The following C12orf42 variants were observed in gnomAD, a reference collection of about 807,000 sequenced individuals.
The protein encoded by C12orf42 is chromosome 12 open reading frame 42.
C12orf42 carries 25 observed loss-of-function variants against 21.6 expected under a neutral mutation model. The observed-to-expected ratio is 1.16, with a 90% confidence interval of 0.84 to 1.62. The LOEUF is 1.62. C12orf42 is among the 40% of genes most tolerant of loss of function. The probability of loss-of-function intolerance (pLI) is 0.00; values close to 1 mark genes in which losing one functional copy is unlikely to be tolerated. For synonymous variants in C12orf42, 174 were observed against 175.0 expected (o/e 0.99, Z 0.05); for missense variants, 483 against 459.3 (o/e 1.05, Z -0.47).
intron 4 of C12orf42, among the ~76,000 whole-genome samples, chr12:103,335,803 A>G (rs908287623): frequency 6.6e-6 from 1 of 152,250 alleles, no homozygotes; most frequent in Non-Finnish European, 1.5e-5. Context: ...GCCAGAATAA[A>G]TGAGCAGAGG....
At chr12:103,138,110 A>G in the C12orf42 span, among the ~76,000 whole-genome samples, 2 of 152,338 alleles carry the variant, frequency 1.3e-5, no homozygotes, top group African/African-American at 4.8e-5. Flanking sequence ...CAGTCAGTAC[A>G]TTTAACAAAA....
the C12orf42 span, among the ~76,000 whole-genome samples, chr12:103,226,605 G>A: frequency 6.6e-6 from 1 of 152,248 alleles, no homozygotes; most frequent in African/African-American, 2.4e-5. Flanking sequence ...GGCAGGTTGG[G>A]GAGGGCTAGT....
intron 2 of C12orf42, among the ~76,000 whole-genome samples, chr12:103,441,755 C>T (rs1168993331): frequency 6.6e-6 from 1 of 152,166 alleles, no homozygotes; most frequent in African/African-American, 2.4e-5. Context: ...GAAATGTGTT[C>T]TCAAATGACA....
chr12:103,529,529 C>T, the C12orf42 span, among the ~76,000 whole-genome samples: 2 of 152,184 alleles, frequency 1.3e-5, no homozygotes, highest in Admixed American at 6.5e-5. Flanking sequence ...CAATACCACC[C>T]TATTAGCAGA....
At chr12:103,288,166 A>G (rs1242665899) in intron 4 of C12orf42, among the ~76,000 whole-genome samples, 1 of 152,154 alleles carries the variant, frequency 6.6e-6, no homozygotes, top group Non-Finnish European at 1.5e-5. Context: ...CCATTAATCA[A>G]TTGTTACTAG....
chr12:103,436,902 G>A (rs1170186921), intron 2 of C12orf42, among the ~76,000 whole-genome samples: 1 of 148,206 alleles, frequency 6.7e-6, no homozygotes, highest in East Asian at 2.0e-4. Context: ...GCACCAAGCA[G>A]ACCTAATAGA....
chr12:103,397,106 A>T (rs927193634), intron 3 of C12orf42, among the ~76,000 whole-genome samples: 1 of 152,190 alleles, frequency 6.6e-6, no homozygotes, highest in Admixed American at 6.5e-5. Context: ...GTCTTACCAA[A>T]CATGTAAGTA....
At chr12:103,562,024 G>A in the C12orf42 span, among the ~76,000 whole-genome samples, 12 of 152,314 alleles carry the variant, frequency 7.9e-5, no homozygotes, top group South Asian at 4.1e-4. Flanking sequence ...CATTCCTTCC[G>A]TAGGCTTGAA....
the C12orf42 span, among the ~76,000 whole-genome samples, chr12:103,521,335 G>A: frequency 1.3e-4 from 20 of 152,162 alleles, no homozygotes; most frequent in Admixed American, 1.2e-3. Flanking sequence ...AGGTGCCATC[G>A]AATACTATGC....
At chr12:103,185,408 G>A in the C12orf42 span, among the ~76,000 whole-genome samples, 2 of 152,160 alleles carry the variant, frequency 1.3e-5, no homozygotes, top group Non-Finnish European at 2.9e-5. Flanking sequence ...GTGAACTTAG[G>A]TGTGGACCAT....
chr12:103,321,311 T>C (rs1409620885), intron 4 of C12orf42, among the ~76,000 whole-genome samples: 1 of 150,734 alleles, frequency 6.6e-6, no homozygotes, highest in Admixed American at 6.6e-5. Context: ...AAAACCACAA[T>C]GAGATACCAT....
chr12:103,394,651 C>T (rs2047363295), intron 3 of C12orf42, among the ~76,000 whole-genome samples: 1 of 152,072 alleles, frequency 6.6e-6, no homozygotes, highest in African/African-American at 2.4e-5. Context: ...GATTGTTTCC[C>T]AACAATTCTA....
the C12orf42 span, among the ~76,000 whole-genome samples, chr12:103,546,247 A>G: frequency 1.3e-5 from 2 of 152,338 alleles, no homozygotes; most frequent in African/African-American, 4.8e-5. Flanking sequence ...TAAGTGGCAA[A>G]GTAAATTATA....
At chr12:103,545,684 A>T in the C12orf42 span, among the ~76,000 whole-genome samples, 9 of 152,340 alleles carry the variant, frequency 5.9e-5, no homozygotes, top group East Asian at 1.2e-3. Flanking sequence ...TGGCCCAATG[A>T]TCCTCCACCG....
At chr12:103,554,908 C>A in the C12orf42 span, among the ~76,000 whole-genome samples, 3 of 152,064 alleles carry the variant, frequency 2.0e-5, no homozygotes, top group African/African-American at 7.2e-5. Flanking sequence ...GGACACAGAG[C>A]CAAACCATAT....
At chr12:103,413,857 A>G (rs941058177) in intron 2 of C12orf42, among the ~76,000 whole-genome samples, 2 of 152,014 alleles carry the variant, frequency 1.3e-5, no homozygotes, top group Non-Finnish European at 2.9e-5. Context: ...GTGTGTGTGT[A>G]TGTGTATATT....
chr12:103,322,162 C>G (rs1366234381), intron 4 of C12orf42, among the ~76,000 whole-genome samples: 3 of 151,752 alleles, frequency 2.0e-5, no homozygotes, highest in Admixed American at 6.6e-5. Context: ...CACACGCACA[C>G]AACTTTCTTT....
intron 2 of C12orf42, among the ~76,000 whole-genome samples, chr12:103,458,829 A>T (rs914478013): frequency 2.6e-5 from 4 of 152,124 alleles, no homozygotes; most frequent in Non-Finnish European, 4.4e-5. Context: ...TGACCACAGG[A>T]TCTCTCACAA....
the C12orf42 span, among the ~76,000 whole-genome samples, chr12:103,206,873 G>A: frequency 7.9e-5 from 12 of 152,154 alleles, no homozygotes; most frequent in South Asian, 1.2e-3. Flanking sequence ...CGATCTTCCC[G>A]GCTAGAACTG....
Sources: gnomAD v4.1 joint callset for allele counts (sites outside exome capture counted in the v4.1 genomes callset) on GRCh38, gnomAD v4.1.1 for gene constraint, MANE v1.5 for transcripts, NCBI Gene and HGNC (gene_info 2026-07-23, HGNC 2026-07-21) for gene names.